Variants in B3GALT1 observed in about 807,000 individuals in gnomAD.
The protein encoded by B3GALT1 is beta-1,3-galactosyltransferase 1, also known as UDP-Gal:betaGlcNAc beta 1,3-galactosyltransferase, polypeptide 1.
B3GALT1 carries 10 observed loss-of-function variants against 23.2 expected under a neutral mutation model. The ratio of observed to expected loss-of-function variants is 0.43; its 90% CI spans 0.27 to 0.73. The LOEUF is 0.73. B3GALT1 is among the 30% of genes least tolerant of loss of function. The pLI is 0.21. For missense variants in B3GALT1, 299 were observed against 405.4 expected (o/e 0.74, Z 2.25); for synonymous variants, 156 against 141.5 (o/e 1.10, Z -0.73).
chr2:167,627,072 C>T (rs1685360004), intron 2 of B3GALT1, among the ~76,000 whole-genome samples: 1 of 151,622 alleles, frequency 6.6e-6, no homozygotes, highest in Non-Finnish European at 1.5e-5. Flanking sequence ...TTTCCAGTGC[C>T]CAGCATAGTG....
intron 2 of B3GALT1, among the ~76,000 whole-genome samples, chr2:167,624,021 G>C (rs1026083363): frequency 1.3e-5 from 2 of 151,984 alleles, no homozygotes; most frequent in African/African-American, 4.8e-5. Flanking sequence ...TAAAGTAGAG[G>C]AATCATCTGA....
chr2:167,733,023 G>A (rs1056426848), intron 3 of B3GALT1, among the ~76,000 whole-genome samples: 8 of 152,192 alleles, frequency 5.3e-5, no homozygotes, highest in African/African-American at 1.9e-4. Context: ...TTACACAGCT[G>A]GTAAGTGGCA....
At chr2:167,671,986 G>C (rs1255047902) in intron 3 of B3GALT1, among the ~76,000 whole-genome samples, 1 of 152,060 alleles carries the variant, frequency 6.6e-6, no homozygotes, top group Non-Finnish European at 1.5e-5. Context: ...AAAGACTTCT[G>C]TGAACCATCA....
chr2:167,835,146 G>C (rs1339676692), intron 4 of B3GALT1, among the ~76,000 whole-genome samples: 2 of 152,138 alleles, frequency 1.3e-5, no homozygotes, highest in Non-Finnish European at 2.9e-5. Flanking sequence ...TGAGGTACCG[G>C]GTTCATCTCA....
intron 4 of B3GALT1, among the ~76,000 whole-genome samples, chr2:167,829,909 C>T (rs564580567): frequency 6.6e-6 from 1 of 152,224 alleles, no homozygotes; most frequent in South Asian, 2.1e-4. Flanking sequence ...GGTGGTCCTT[C>T]TGAGGAGAAA....
At chr2:167,389,935 AAAG>A (rs375014415) in intron 1 of B3GALT1, among the ~76,000 whole-genome samples, 43 of 145,814 alleles carry the variant, frequency 2.9e-4, no homozygotes, top group South Asian at 1.0e-3. Flanking sequence ...CAAAAAAAAA[AAAG>A]AAAGAAAAGA....
chr2:167,612,839 TC>T (rs1685091932), intron 2 of B3GALT1, among the ~76,000 whole-genome samples: 1 of 152,004 alleles, frequency 6.6e-6, no homozygotes, highest in South Asian at 2.1e-4. Flanking sequence ...TTCTGCACTT[TC>T]TACAACAGCT....
At chr2:167,669,600 C>G (rs1400471279) in intron 3 of B3GALT1, among the ~76,000 whole-genome samples, 3 of 152,026 alleles carry the variant, frequency 2.0e-5, no homozygotes, top group Non-Finnish European at 2.9e-5. Flanking sequence ...TGGCTTTAAT[C>G]AAATTGAGGA....
At chr2:167,445,865 T>C (rs4387753) in intron 1 of B3GALT1, among the ~76,000 whole-genome samples, 17,952 of 152,208 alleles carry the variant, frequency 0.12, 1,201 homozygotes, top group East Asian at 0.31. Context: ...CCATTTACAC[T>C]TAAGGTTCAT....
chr2:167,534,263 A>G (rs4667956), intron 2 of B3GALT1, among the ~76,000 whole-genome samples: 84,020 of 151,954 alleles, frequency 0.55, 26,230 homozygotes, highest in East Asian at 0.99. Context: ...TGTAGGTTGG[A>G]CCTGCATATT....
chr2:167,446,330 C>T (rs1698991229), intron 1 of B3GALT1, among the ~76,000 whole-genome samples: 1 of 152,126 alleles, frequency 6.6e-6, no homozygotes, highest in Non-Finnish European at 1.5e-5. Flanking sequence ...GTGAATCTGA[C>T]AATTATGTGT....
At position 167,446,795 on chromosome 2, in the gene B3GALT1, C is replaced by T. The variant is rs536545190; in HGVS notation, c.-510-43382C>T. On this transcript the variant is annotated intron_variant, in intron 1 of 4. Coordinates refer to ENST00000392690, the MANE Select transcript of B3GALT1 (RefSeq NM_020981.4). ...CTTCTCACAGTTTTTAGCCTCTTTGCGTTGGGTTCGAACATCCTCCTTTAG... is the reference window on the plus strand; with the variant it reads ...CTTCTCACAGTTTTTAGCCTCTTTGTGTTGGGTTCGAACATCCTCCTTTAG... Among the ~76,000 whole-genome samples, 7 of 152,250 alleles carry T rather than the reference C, an allele frequency of 4.6e-5. No homozygotes were observed. The South Asian group carries it at 1.0e-3, about 23-fold the overall frequency.
chr2:167,615,048 A>C (rs1431314241), intron 2 of B3GALT1, among the ~76,000 whole-genome samples: 2 of 152,110 alleles, frequency 1.3e-5, no homozygotes, highest in Non-Finnish European at 2.9e-5. Context: ...CATAGTACCA[A>C]AGCAAGAAGT....
At chr2:167,716,052 C>T in intron 3 of B3GALT1, 1 of 1,594,494 alleles carries the variant, frequency 6.3e-7, no homozygotes, top group Non-Finnish European at 8.6e-7. Flanking sequence ...AGCGGTAGCG[C>T]CGGGCTCCTC....
At chr2:167,592,960 C>T (rs138916522) in intron 2 of B3GALT1, among the ~76,000 whole-genome samples, 1 of 152,282 alleles carries the variant, frequency 6.6e-6, no homozygotes, top group African/African-American at 2.4e-5. Context: ...AATGGGAAGT[C>T]ATGTCACCTA....
chr2:167,298,707 A>G (rs1696396271), intron 1 of B3GALT1, among the ~76,000 whole-genome samples: 1 of 152,084 alleles, frequency 6.6e-6, no homozygotes, highest in Non-Finnish European at 1.5e-5. Flanking sequence ...TTATTTCCCA[A>G]GGTCAATCAC....
At chr2:167,743,709 T>C (rs1687611317) in intron 3 of B3GALT1, among the ~76,000 whole-genome samples, 1 of 152,112 alleles carries the variant, frequency 6.6e-6, no homozygotes, top group Admixed American at 6.5e-5. Context: ...GTGTCTTCTC[T>C]CTTTTTCTGT....
At chr2:167,559,766 A>G (rs1683933436) in intron 2 of B3GALT1, among the ~76,000 whole-genome samples, 1 of 152,200 alleles carries the variant, frequency 6.6e-6, no homozygotes, top group Admixed American at 6.5e-5. Context: ...AAAAGAATAA[A>G]AAGAAATGAA....
At chr2:167,868,259 A>G (rs1251737233) in intron 4 of B3GALT1, among the ~76,000 whole-genome samples, 1 of 152,228 alleles carries the variant, frequency 6.6e-6, no homozygotes, top group African/African-American at 2.4e-5. Flanking sequence ...GTTGGGAATT[A>G]CTTCTAAGTC....
Sources: gnomAD v4.1 joint callset for allele counts (sites outside exome capture counted in the v4.1 genomes callset) on GRCh38, gnomAD v4.1.1 for gene constraint, MANE v1.5 for transcripts, NCBI Gene and HGNC (gene_info 2026-07-23, HGNC 2026-07-21) for gene names.